Variants in TDP1 observed in about 807,000 individuals in gnomAD.
The protein encoded by TDP1 is tyr-DNA phosphodiesterase 1.
A neutral mutation model predicts 81.5 loss-of-function variants in TDP1; 64 were observed. That is an observed-to-expected ratio of 0.79 (90% confidence interval 0.64 to 0.97). The LOEUF is 0.97. TDP1 is among the 50% of genes least tolerant of loss of function. The pLI is 0.00. For synonymous variants in TDP1, 256 were observed against 264.3 expected, an observed-to-expected ratio of 0.97 and a Z score of 0.30; for missense variants, 723 against 743.8, an observed-to-expected ratio of 0.97 and a Z score of 0.33.
chr14:89,967,566 C>T (rs1000650326), intron 5 of TDP1, 144 bp downstream of exon 5: 6 of 744,796 alleles, frequency 8.1e-6, no homozygotes, highest in East Asian at 2.6e-5. Context: ...AAGTTATATC[C>T]GGAAAACAGC....
At chr14:89,983,923 T>A (rs35319220) in intron 8 of TDP1, among the ~76,000 whole-genome samples, 2 of 152,388 alleles carry the variant, frequency 1.3e-5, no homozygotes, top group Admixed American at 6.5e-5. Context: ...GAATGTGATA[T>A]ATACTTAATC....
intron 14 of TDP1, among the ~76,000 whole-genome samples, chr14:90,003,140 A>G (rs1470767151): frequency 2.6e-5 from 4 of 151,984 alleles, no homozygotes; most frequent in South Asian, 2.1e-4. Context: ...GTTTCACGGT[A>G]TTGGCCAGGC....
rs34699648 is a variant in TDP1 at position 89,996,281 on chromosome 14, A to T, written c.1541+2798A>T. Among the ~76,000 whole-genome samples, 369 of 152,248 alleles carry T rather than the reference A, an allele frequency of 2.4e-3. 1 individual carries two copies. Among genetic ancestry groups the T allele is most frequent in the African/African-American group, 8.2e-3 (339 of 41,546 alleles). On this transcript the variant is annotated intron_variant, in intron 14 of 16. Transcript: ENST00000335725. ...GTACAGATTCCTCAGTTTGGAAGTC[A>T]TGCCCCAGCCACACCATTTTCACCA...
chr14:90,003,853 A>C (rs945852781), intron 14 of TDP1, among the ~76,000 whole-genome samples: 49 of 152,294 alleles, frequency 3.2e-4, no homozygotes, highest in African/African-American at 1.2e-3. Context: ...TCTGCTTTTC[A>C]ATATTACTAT....
At chr14:89,966,596 A>G (rs535284435) in intron 4 of TDP1, among the ~76,000 whole-genome samples, 1 of 152,340 alleles carries the variant, frequency 6.6e-6, no homozygotes, top group East Asian at 1.9e-4. Context: ...GTGAATTTTC[A>G]TGTTCAGTGG....
intron 14 of TDP1, among the ~76,000 whole-genome samples, chr14:90,005,282 G>T (rs1897561201): frequency 6.6e-6 from 1 of 152,138 alleles, no homozygotes; most frequent in South Asian, 2.1e-4. Flanking sequence ...GTGGGCTCTG[G>T]AAACCCCTTT....
At chr14:89,964,611 G>A (rs2139956407) in intron 3 of TDP1, among the ~76,000 whole-genome samples, 1 of 152,208 alleles carries the variant, frequency 6.6e-6, no homozygotes, top group South Asian at 2.1e-4. Context: ...TGTATATTGT[G>A]TGTGATGTAT....
rs138847032 is a variant in TDP1, at chr14:90,029,795, G to A, written c.1645-3311G>A. ...ATTACAGGTGTGAGCCATTGTGCCC[G>A]GCCTTGCCACTTTTAATAGCTGTGT... On this transcript the variant is annotated intron_variant, in intron 15 of 16. Transcript: ENST00000335725. 3.5e-3 allele frequency among the ~76,000 whole-genome samples: 534 copies of A among 152,220 alleles called. 4 individuals are homozygous for A. The highest frequency in any genetic ancestry group is 0.012 in the African/African-American group (501 of 41,514).
intron 7 of TDP1, among the ~76,000 whole-genome samples, chr14:89,977,627 C>T (rs925986589): frequency 6.6e-6 from 1 of 152,220 alleles, no homozygotes; most frequent in African/African-American, 2.4e-5. Flanking sequence ...GAATTAAATA[C>T]TTCTTATGTT....
chr14:89,964,654 C>A (rs930251531), intron 3 of TDP1, among the ~76,000 whole-genome samples: 10 of 152,008 alleles, frequency 6.6e-5, no homozygotes, highest in Admixed American at 6.6e-4. Context: ...GTAGAGTGTT[C>A]TACAGGTTGT....
intron 14 of TDP1, among the ~76,000 whole-genome samples, chr14:90,006,790 C>A (rs1417573011): frequency 6.6e-6 from 1 of 152,210 alleles, no homozygotes; most frequent in Non-Finnish European, 1.5e-5. Flanking sequence ...CCGCCCACCT[C>A]AGCCTCCCAA....
chr14:89,962,353 A>G lies in TDP1; in HGVS notation c.-7-755A>G, dbSNP rs1375594395. On this transcript the variant is annotated intron_variant, in intron 2 of 16. Transcript: ENST00000335725. ...TTGTCTTTTGGGAAGTAAGACATAC[A>G]TAATCACTGAAGTCCTGTGGGTGCC... Among the ~76,000 whole-genome samples the G allele has an allele frequency of 2.6e-5, 4 of 152,198 alleles. No individual in the cohort carries two copies. In the East Asian group the frequency reaches 7.7e-4, roughly 29 times the overall value.
At chr14:90,027,121 C>G (rs1000407806) in intron 15 of TDP1, among the ~76,000 whole-genome samples, 1 of 151,918 alleles carries the variant, frequency 6.6e-6, no homozygotes, top group African/African-American at 2.4e-5. Flanking sequence ...TCTAGCACCT[C>G]TTGTTTCCTG....
intron 1 of TDP1, 130 bp from the exon 2 acceptor site, chr14:89,956,448 G>T (rs1052648187): frequency 1.3e-5 from 2 of 152,334 alleles, no homozygotes; most frequent in African/African-American, 4.8e-5. Context: ...GTGCCTGGCC[G>T]GCCCCAAATG....
chr14:89,991,434 G>A (rs1055762993), intron 12 of TDP1: 6 of 416,782 alleles, frequency 1.4e-5, no homozygotes, highest in South Asian at 1.0e-4. Flanking sequence ...GTGCGTTCTC[G>A]TCCTCAATGA....
At chr14:89,956,188 C>CG (rs1891577381) in intron 1 of TDP1, 1 of 152,228 alleles carries the variant, frequency 6.6e-6, no homozygotes. Flanking sequence ...CCTCAGGGGG[C>CG]GCGCACGGGC....
In TDP1 at chr14:89,975,767, C is replaced by T; in HGVS notation, c.757-14C>T. On this transcript the variant is annotated splice_polypyrimidine_tract_variant and intron_variant, in intron 6 of 16. Transcript: ENST00000335725. The stretch of plus-strand genomic sequence containing the variant: ...TGAGTTGTTTTTAAATAAATGACTT[C>T]TTTTTCATCCTAGGCAAAGTTGGAT... The T allele has an allele frequency of 3.7e-6, 6 of 1,609,434 alleles. No homozygotes were observed. Among genetic ancestry groups the T allele is most frequent in the Non-Finnish European group, 5.1e-6 (6 of 1,175,960 alleles).
chr14:89,971,884 T>G (rs1267221585), intron 6 of TDP1, among the ~76,000 whole-genome samples: 1 of 151,704 alleles, frequency 6.6e-6, no homozygotes, highest in African/African-American at 2.4e-5. Context: ...CCATTGACAC[T>G]TCAACGGTAG....
At chr14:89,994,787 TG>T (rs1566886554) in intron 14 of TDP1, among the ~76,000 whole-genome samples, 2 of 152,128 alleles carry the variant, frequency 1.3e-5, no homozygotes, top group African/African-American at 4.8e-5. Context: ...GAGGTGCTAT[TG>T]TAAGTAGGCC....
Sources: gnomAD v4.1 joint callset for allele counts (sites outside exome capture counted in the v4.1 genomes callset) on GRCh38, gnomAD v4.1.1 for gene constraint, MANE v1.5 for transcripts, NCBI Gene and HGNC (gene_info 2026-07-23, HGNC 2026-07-21) for gene names.